The following CDH10 variants were observed in gnomAD, a reference collection of about 807,000 sequenced individuals.
The protein encoded by CDH10 is cadherin-10.
In CDH10, 30 loss-of-function variants were observed where a neutral mutation model predicts 73.1. The ratio of observed to expected loss-of-function variants is 0.41; its 90% CI spans 0.31 to 0.56. The LOEUF (loss-of-function observed/expected upper bound fraction) is 0.56. CDH10 is among the 20% of genes least tolerant of loss of function. CDH10 has a pLI of 0.27. For synonymous variants in CDH10, 345 were observed against 348.2 expected (o/e 0.99, Z 0.10); for missense variants, 815 against 973.7 (o/e 0.84, Z 2.17).
intron 9 of CDH10, among the ~76,000 whole-genome samples, chr5:24,495,775 C>A (rs1242615581): frequency 6.6e-6 from 1 of 151,472 alleles, no homozygotes. Flanking sequence ...TGAACCGAAC[C>A]CAGGAGGCGG....
intron 3 of CDH10, among the ~76,000 whole-genome samples, chr5:24,536,303 A>C (rs1371590020): frequency 6.6e-6 from 1 of 152,112 alleles, no homozygotes; most frequent in Non-Finnish European, 1.5e-5. Context: ...CCCAAGTTCC[A>C]TGAACTACTA....
In CDH10 at chr5:24,593,367, G is replaced by C. The variant is rs755461975; in HGVS notation, c.124C>G (p.Pro42Ala). 5 of 1,612,426 alleles carry C rather than the reference G, an allele frequency of 3.1e-6. No homozygotes were observed. The highest frequency in any genetic ancestry group is 1.1e-5 in the South Asian group (1 of 91,050). ...PQQRILSSRV[P>A]RSDGKILHRQ... is the part of the protein sequence containing the mutation. ...TGGAGAATTTTGCCATCACTCCTTG[G>C]TACACGTGAACTTAAAATTCTTTGC... The change falls in exon 2 of 12, where the codon CCA (proline) becomes GCA (alanine). Residue 42 changes from proline to alanine, a missense_variant. Coordinates refer to ENST00000264463, the MANE Select transcript of CDH10 (RefSeq NM_006727.5).
intron 10 of CDH10, among the ~76,000 whole-genome samples, 162 bp from the exon 11 acceptor site, chr5:24,491,989 G>GA (rs1742070795): frequency 6.6e-6 from 1 of 151,990 alleles, no homozygotes; most frequent in Non-Finnish European, 1.5e-5. Flanking sequence ...ATATAGATAA[G>GA]ACAAATAATC....
Position 24,537,593 on chromosome 5 carries a change from C to A in CDH10, c.313G>T (p.Asp105Tyr), listed in dbSNP as rs2111896423. ...GDGAGTLFII[D>Y]EKTGDIHATR... ...GCATGAATATCACCTGTTTTTTCAT[C>A]AATAATAAAAAGAGTACCAGCTCCA... The change falls in exon 3 of 12, where the codon GAT becomes TAT. Residue 105 changes from aspartate to tyrosine, a missense_variant. Asp to Tyr is a radical substitution (Grantham distance 160). Coordinates refer to ENST00000264463, the MANE Select transcript of CDH10 (RefSeq NM_006727.5). The A allele has an allele frequency of 6.2e-7, 1 of 1,607,372 alleles. No homozygotes were observed. Among genetic ancestry groups the A allele is most frequent in the Non-Finnish European group, 8.5e-7 (1 of 1,174,358 alleles).
At chr5:24,494,618 A>G (rs572136555) in intron 9 of CDH10, among the ~76,000 whole-genome samples, 2 of 152,172 alleles carry the variant, frequency 1.3e-5, no homozygotes, top group South Asian at 4.1e-4. Flanking sequence ...AAATTTACAA[A>G]GTATAATTTC....
intron 8 of CDH10, 132 bp from the exon 9 acceptor site, chr5:24,498,651 G>GCAAA: frequency 1.6e-6 from 1 of 612,552 alleles, no homozygotes; most frequent in Non-Finnish European, 2.9e-6. Context: ...AATATAATGA[G>GCAAA]CAAATGCAAT....
chr5:24,547,869 A>G (rs1938783543), intron 2 of CDH10, among the ~76,000 whole-genome samples: 1 of 152,212 alleles, frequency 6.6e-6, no homozygotes, highest in Non-Finnish European at 1.5e-5. Flanking sequence ...AAGAGAAAGT[A>G]GAAGATACAC....
intron 2 of CDH10, among the ~76,000 whole-genome samples, chr5:24,542,750 G>C (rs1181132121): frequency 1.3e-5 from 2 of 152,154 alleles, no homozygotes; most frequent in Admixed American, 1.3e-4. Flanking sequence ...GTCTGGTAAG[G>C]GCCCTCTTTC....
At chr5:24,588,001 T>C (rs778625624) in intron 2 of CDH10, among the ~76,000 whole-genome samples, 1 of 152,208 alleles carries the variant, frequency 6.6e-6, no homozygotes, top group Non-Finnish European at 1.5e-5. Flanking sequence ...CTGCAAGACA[T>C]GCCTCTATAA....
intron 8 of CDH10, among the ~76,000 whole-genome samples, chr5:24,502,484 C>G (rs1015666848): frequency 2.0e-5 from 3 of 152,016 alleles, no homozygotes; most frequent in Non-Finnish European, 4.4e-5. Context: ...AGAAAAAATT[C>G]CTTGTATGCT....
intron 5 of CDH10, 66 bp downstream of exon 5, chr5:24,535,046 T>G: frequency 6.4e-5 from 88 of 1,383,386 alleles, no homozygotes; most frequent in Non-Finnish European, 8.6e-5. Context: ...TTCTTTTTCT[T>G]TCTTTGTCTG....
At chr5:24,573,107 G>T (rs889978172) in intron 2 of CDH10, among the ~76,000 whole-genome samples, 1 of 151,582 alleles carries the variant, frequency 6.6e-6, no homozygotes, top group Non-Finnish European at 1.5e-5. Context: ...ATTGATATGA[G>T]TTCATAGAAG....
At chr5:24,577,606 A>ACAT (rs34639706) in intron 2 of CDH10, among the ~76,000 whole-genome samples, 58,009 of 151,864 alleles carry the variant, frequency 0.38, 13,462 homozygotes, top group East Asian at 0.54. Flanking sequence ...TATAAGTCAA[A>ACAT]CATAATATTC....
rs774418544 is a variant in CDH10, at chr5:24,537,363, G to T, written c.526+17C>A. ...ACACTTTTTGAATACCATCATAAAC[G>T]CTGTAAATGAACTTACCTACAACAG... On this transcript the variant is annotated intron_variant, in intron 3 of 11. Transcript: ENST00000264463. 5 of 1,551,802 alleles carry T rather than the reference G, an allele frequency of 3.2e-6. No homozygotes were observed. In the Admixed American group the frequency reaches 7.4e-5, roughly 23 times the overall value.
chr5:24,546,961 T>C (rs996066287), intron 2 of CDH10, among the ~76,000 whole-genome samples: 1 of 152,156 alleles, frequency 6.6e-6, no homozygotes, highest in Non-Finnish European at 1.5e-5. Context: ...AAGTTCATAA[T>C]GAAACATGGG....
At chr5:24,609,145 TAGG>T (rs1463314397) in intron 1 of CDH10, among the ~76,000 whole-genome samples, 6 of 152,164 alleles carry the variant, frequency 3.9e-5, no homozygotes, top group Admixed American at 6.6e-5. Context: ...GAATAAAATG[TAGG>T]AGAATTCCCA....
chr5:24,589,199 C>T (rs889078373), intron 2 of CDH10, among the ~76,000 whole-genome samples: 3 of 151,834 alleles, frequency 2.0e-5, no homozygotes, highest in African/African-American at 4.8e-5. Context: ...TGTTTGGAGC[C>T]GACAAGTCTA....
chr5:24,574,166 G>A (rs1579828961), intron 2 of CDH10, among the ~76,000 whole-genome samples: 1 of 152,052 alleles, frequency 6.6e-6, no homozygotes, highest in Non-Finnish European at 1.5e-5. Flanking sequence ...GATTACAGGC[G>A]TGAGCCACTG....
At chr5:24,522,456 G>A (rs187232404) in intron 5 of CDH10, among the ~76,000 whole-genome samples, 60 of 151,616 alleles carry the variant, frequency 4.0e-4, no homozygotes, top group Middle Eastern at 6.8e-3. Context: ...GAATGCATGA[G>A]ATCCAGAAAG....
Sources: allele counts gnomAD v4.1 joint callset (sites outside exome capture counted in the v4.1 genomes callset), GRCh38; gene constraint gnomAD v4.1.1; transcripts MANE v1.5; gene names NCBI Gene and HGNC (gene_info 2026-07-23, HGNC 2026-07-21).